Variants in BEGAIN observed in about 807,000 individuals in gnomAD.
BEGAIN encodes brain-enriched guanylate kinase-associated protein.
In BEGAIN, 19 loss-of-function variants were observed where a neutral mutation model predicts 35.8. The observed-to-expected ratio is 0.53, with a 90% CI of 0.37 to 0.78. The LOEUF (loss-of-function observed/expected upper bound fraction) is 0.78. Among genes scored for constraint, BEGAIN ranks in the 30% least tolerant of loss-of-function variants. BEGAIN has a pLI of 0.00. For synonymous variants in BEGAIN, 462 were observed against 388.6 expected (o/e 1.19, Z -2.22); for missense variants, 795 against 853.6 (o/e 0.93, Z 0.85).
chr14:100,562,637 A>G (rs2034360580), intron 2 of BEGAIN, among the ~76,000 whole-genome samples: 2 of 130,394 alleles, frequency 1.5e-5, no homozygotes, highest in South Asian at 2.5e-4. Context: ...GCCCTCCTCC[A>G]TGGCCACCAG....
rs75064980 is a variant in BEGAIN, at chr14:100,537,664, C to A, written c.*305G>T. 4.8e-4 allele frequency: 186 copies of A among 385,150 alleles called. 4 individuals carry two copies. In the East Asian group the frequency reaches 8.1e-3, roughly 17 times the overall value. The allele number at this position is 385,150 out of a possible 1,614,324, so 23.9% of individuals were successfully genotyped here. ...GGAGGCCAAGTGCGTTAAGAAAGACCCTTTTTCTCTATAAAAATAGTTTCG... is the reference window on the plus strand; with the variant it reads ...GGAGGCCAAGTGCGTTAAGAAAGACACTTTTTCTCTATAAAAATAGTTTCG... On this transcript the variant is annotated 3_prime_UTR_variant, in exon 7 of 7. Coordinates refer to ENST00000554140, the MANE Select transcript of BEGAIN (RefSeq NM_001385089.1).
Position 100,545,353 on chromosome 14 carries a change from C to T in BEGAIN, c.234-287G>A, listed in dbSNP as rs931457194. 18 of 1,289,118 alleles carry T rather than the reference C, an allele frequency of 1.4e-5. No individual in the cohort carries two copies. The African/African-American group carries it at 2.7e-4, about 19-fold the overall frequency. The allele number at this position is 1,289,118 out of a possible 1,614,324, so 79.9% of individuals were successfully genotyped here. A position where few individuals can be genotyped will look rare whatever the true frequency, so the allele number is the denominator to read the frequency against. ...GGGAAGGCTTGTTATTCACAAGAGACTCTGTCCCATCCACACGCGGAGCCA... is the reference window on the plus strand; with the variant it reads ...GGGAAGGCTTGTTATTCACAAGAGATTCTGTCCCATCCACACGCGGAGCCA... On this transcript the variant is annotated intron_variant, in intron 3 of 6. Coordinates refer to ENST00000554140, the MANE Select transcript of BEGAIN (RefSeq NM_001385089.1).
chr14:100,538,552 A>G lies in BEGAIN; in HGVS notation c.1256T>C (p.Leu419Pro). 6.6e-7 allele frequency: 1 copy of G among 1,518,040 alleles called. No individual in the cohort carries two copies. The highest frequency in any genetic ancestry group is 1.3e-5 in the South Asian group (1 of 77,164). 94.0% of individuals were successfully genotyped at this position (1,518,040 alleles called of 1,614,324 possible). Residue 419 changes from leucine (L) to proline (P), a missense_variant, in exon 7 of 7, where the codon CTG becomes CCG. Physicochemically the swap from Leu to Pro is moderately conservative, Grantham distance 98. Around this residue, in one of 3 missense-constraint regions of BEGAIN, gnomAD observed 664 missense variants for 647.7 expected, o/e 1.03. Coordinates refer to ENST00000554140, the MANE Select transcript of BEGAIN (RefSeq NM_001385089.1). ...QALMPPNLWS[L>P]RAKPGTARLP... ...CCGGGCGGTCCCCGGCTTGGCCCGC[A>G]GGCTCCACAGGTTTGGGGGCATCAG...
chr14:100,568,984 G>A lies in BEGAIN; in HGVS notation c.43-1045C>T. On this transcript the variant is annotated intron_variant, in intron 1 of 6. Transcript: ENST00000554140. The surrounding 1 kb of genome is among the most constrained non-coding windows in gnomAD (Gnocchi z 7.5). ...CCGGGAGCGCGCTCCGCTCGGGTCC[G>A]GGCCCCACGCCGCCTCCCCCACCGC... is the stretch of plus-strand genomic sequence containing the variant. 2 of 979,470 alleles carry A rather than the reference G, an allele frequency of 2.0e-6. No homozygotes were observed. Among genetic ancestry groups the A allele is most frequent in the Non-Finnish European group, 2.4e-6 (2 of 825,720 alleles). 60.7% of individuals were successfully genotyped at this position (979,470 alleles called of 1,614,324 possible). A position where few individuals can be genotyped will look rare whatever the true frequency, so the allele number is the denominator to read the frequency against.
At position 100,573,387 on chromosome 14, in the gene BEGAIN, C is replaced by G. The variant is rs6575794; in HGVS notation, c.43-5448G>C. ...GTGCCTGGTGAGTTGGGAAGCATCC[C>G]GGTCACCAGTGGGAAGGAGCAGCTG... On this transcript the variant is annotated intron_variant, in intron 1 of 6. Coordinates refer to ENST00000554140, the MANE Select transcript of BEGAIN (RefSeq NM_001385089.1). This position sits in a 1 kb window ranked among gnomAD's most constrained non-coding sequence, Gnocchi z 4.2. Among the ~76,000 whole-genome samples, 2 of 151,760 alleles carry G rather than the reference C, an allele frequency of 1.3e-5. No homozygotes were observed. The highest frequency in any genetic ancestry group is 2.9e-5 in the Non-Finnish European group (2 of 67,904).
intron 1 of BEGAIN, among the ~76,000 whole-genome samples, chr14:100,584,383 C>T (rs1208396189): frequency 6.6e-6 from 1 of 152,212 alleles, no homozygotes; most frequent in African/African-American, 2.4e-5. Flanking sequence ...CCCTTCCTGG[C>T]TAGAGGGGAG....
chr14:100,545,881 TA>T (rs1301892822), intron 3 of BEGAIN: 1 of 152,216 alleles, frequency 6.6e-6, no homozygotes, highest in African/African-American at 2.4e-5. Flanking sequence ...TACAAATACC[TA>T]AAACAAATCA....
chr14:100,562,481 G>A (rs7146574), intron 2 of BEGAIN, among the ~76,000 whole-genome samples: 86,232 of 151,706 alleles, frequency 0.57, 27,577 homozygotes, highest in African/African-American at 0.88. Flanking sequence ...TCCCCACCTC[G>A]GGGGAAGAAA....
rs1035355912 is a variant in BEGAIN, at chr14:100,568,519, TG to T, written c.43-581del. 3.9e-6 allele frequency: 5 copies of T among 1,286,514 alleles called. No individual in the cohort carries two copies. Among genetic ancestry groups the T allele is most frequent in the South Asian group, 3.7e-5 (3 of 80,658 alleles). The allele number at this position is 1,286,514 out of a possible 1,614,324, so 79.7% of individuals were successfully genotyped here. A position where few individuals can be genotyped will look rare whatever the true frequency, so the allele number is the denominator to read the frequency against. ...CCGCTGCCCTCAGATTCTGGGGTTT[TG>T]GGCCTGGCTTGCCCCTCCCGGGCCC... On this transcript the variant is annotated intron_variant, in intron 1 of 6. Transcript: ENST00000554140. This position sits in a 1 kb window ranked among gnomAD's most constrained non-coding sequence, Gnocchi z 7.5.
chr14:100,550,197 G>A (rs867330436), intron 2 of BEGAIN, among the ~76,000 whole-genome samples: 5 of 152,162 alleles, frequency 3.3e-5, no homozygotes, highest in Non-Finnish European at 2.9e-5. Context: ...GCCTTCCACC[G>A]AGAGCCCCTT....
At chr14:100,560,247 C>T (rs548833020) in intron 2 of BEGAIN, among the ~76,000 whole-genome samples, 22 of 152,246 alleles carry the variant, frequency 1.4e-4, no homozygotes, top group South Asian at 6.2e-4. Flanking sequence ...TCCTGAGATC[C>T]GGGGATCATC....
intron 4 of BEGAIN, among the ~76,000 whole-genome samples, chr14:100,544,341 C>T (rs913961338): frequency 2.0e-5 from 3 of 152,210 alleles, no homozygotes; most frequent in Admixed American, 2.0e-4. Context: ...GGTGTCCAGG[C>T]ACCCAGGCAG....
intron 1 of BEGAIN, among the ~76,000 whole-genome samples, chr14:100,575,367 A>G (rs548283943): frequency 6.6e-6 from 1 of 152,196 alleles, no homozygotes; most frequent in Non-Finnish European, 1.5e-5. Flanking sequence ...CTTTATCACC[A>G]CTATCATCCC....
intron 2 of BEGAIN, among the ~76,000 whole-genome samples, chr14:100,565,360 G>A (rs1300589839): frequency 6.6e-6 from 1 of 152,190 alleles, no homozygotes; most frequent in East Asian, 1.9e-4. Flanking sequence ...CAGGGCGACA[G>A]CATGGGGGGG....
intron 2 of BEGAIN, among the ~76,000 whole-genome samples, chr14:100,554,714 CA>C (rs2033535969): frequency 6.6e-6 from 1 of 152,264 alleles, no homozygotes; most frequent in South Asian, 2.1e-4. Context: ...CCCTGGCCCC[CA>C]AAACTGTAGT....
chr14:100,537,475 C>G lies in BEGAIN; in HGVS notation c.*494G>C, dbSNP rs1202426159. 1.3e-5 allele frequency: 2 copies of G among 155,052 alleles called. No homozygotes were observed. Among genetic ancestry groups the G allele is most frequent in the East Asian group, 3.8e-4 (2 of 5,216 alleles). The allele number at this position is 155,052 out of a possible 1,614,324, so 9.6% of individuals were successfully genotyped here. A position where few individuals can be genotyped will look rare whatever the true frequency, so the allele number is the denominator to read the frequency against. On this transcript the variant is annotated 3_prime_UTR_variant, in exon 7 of 7. Coordinates refer to ENST00000554140, the MANE Select transcript of BEGAIN (RefSeq NM_001385089.1). ...CCTCTTCGTGGACACAACTTCAGGG[C>G]TCCCTTGTCACTGGCTTGCGGGGGT...
At chr14:100,566,241 C>T (rs1381658689) in intron 2 of BEGAIN, among the ~76,000 whole-genome samples, 2 of 152,244 alleles carry the variant, frequency 1.3e-5, no homozygotes, top group African/African-American at 2.4e-5. Flanking sequence ...AAGCCTCAGC[C>T]CGCCTGGGAC....
intron 2 of BEGAIN, among the ~76,000 whole-genome samples, chr14:100,553,798 T>C (rs2033439934): frequency 6.6e-6 from 1 of 152,142 alleles, no homozygotes; most frequent in South Asian, 2.1e-4. Context: ...CTGCTTCCCT[T>C]CTCTGCTGGG....
At chr14:100,539,713 C>T (rs760264339) in intron 6 of BEGAIN, among the ~76,000 whole-genome samples, 20 of 152,162 alleles carry the variant, frequency 1.3e-4, no homozygotes, top group Admixed American at 2.0e-4. Flanking sequence ...CTCCCAGGCC[C>T]GTGGGTTCTG....
Sources: allele counts gnomAD v4.1 joint callset (sites outside exome capture counted in the v4.1 genomes callset), GRCh38; gene constraint gnomAD v4.1.1; regional missense constraint gnomAD v4.1.1; non-coding constraint Gnocchi (gnomAD v3.1); transcripts MANE v1.5; gene names NCBI Gene and HGNC (gene_info 2026-07-23, HGNC 2026-07-21).